DCP1A: variants seen among roughly 807,000 people sequenced by gnomAD.
DCP1A encodes the protein mRNA-decapping enzyme 1A.
Under a neutral mutation model 58.0 loss-of-function variants are expected in DCP1A, and 20 were observed. The observed-to-expected ratio is 0.34, with a 90% CI of 0.24 to 0.50. DCP1A has a LOEUF of 0.50. Among genes scored for constraint, DCP1A ranks in the 20% least tolerant of loss-of-function variants. The probability of loss-of-function intolerance (pLI) is 0.98; values close to 1 mark genes in which losing one functional copy is unlikely to be tolerated. For synonymous variants in DCP1A, 285 were observed against 275.1 expected, an observed-to-expected ratio of 1.04 and a Z score of -0.36; for missense variants, 613 against 712.2, an observed-to-expected ratio of 0.86 and a Z score of 1.59.
At chr3:53,329,528 A>G in intron 3 of DCP1A, 1 of 394,092 alleles carries the variant, frequency 2.5e-6, no homozygotes, top group East Asian at 3.6e-5. Flanking sequence ...TCGGTTAAGC[A>G]AGCTAAAGAG....
intron 5 of DCP1A, among the ~76,000 whole-genome samples, chr3:53,306,370 A>C (rs1707471837): frequency 6.6e-6 from 1 of 152,184 alleles, no homozygotes; most frequent in South Asian, 2.1e-4. Flanking sequence ...TATTACAGAA[A>C]ATATAAAGTT....
At chr3:53,332,827 C>T (rs1310098815) in intron 3 of DCP1A, among the ~76,000 whole-genome samples, 1 of 151,148 alleles carries the variant, frequency 6.6e-6, no homozygotes, top group Non-Finnish European at 1.5e-5. Context: ...CACTGCACTC[C>T]AGCCTGGGTG....
At position 53,288,280 on chromosome 3, in the gene DCP1A, C is replaced by T; in HGVS notation, c.1453G>A (p.Ala485Thr). ...GTTGCAGTAACCAGTGGGGCGCCTG[C>T]AACCTGGAGAGTGACAATGGTCATT... ...PKVLSSAIPVAGAPLVTATTT... is the reference protein window; with the variant it reads ...PKVLSSAIPVTGAPLVTATTT... The change falls in exon 9 of 10, where the codon GCA becomes ACA. Residue 485 changes from alanine to threonine, a missense_variant. By Grantham distance (58) the Ala-to-Thr change is moderately conservative. Coordinates refer to ENST00000610213, the MANE Select transcript of DCP1A (RefSeq NM_018403.7). 6.2e-7 allele frequency: 1 copy of T among 1,605,672 alleles called. No homozygotes were observed. The highest frequency in any genetic ancestry group is 8.5e-7 in the Non-Finnish European group (1 of 1,175,916).
intron 3 of DCP1A, chr3:53,338,290 TG>T (rs1250983752): frequency 4.4e-6 from 1 of 226,010 alleles, no homozygotes; most frequent in African/African-American, 2.3e-5. Context: ...AAAAATACAC[TG>T]TTCCCAAAAG....
At chr3:53,302,820 G>A (rs1304674003) in intron 6 of DCP1A, among the ~76,000 whole-genome samples, 5 of 151,986 alleles carry the variant, frequency 3.3e-5, no homozygotes, top group African/African-American at 9.7e-5. Flanking sequence ...ACGGGGTTTC[G>A]CCATGTTGGC....
chr3:53,298,625 A>G (rs1707208970), intron 6 of DCP1A, among the ~76,000 whole-genome samples: 1 of 152,232 alleles, frequency 6.6e-6, no homozygotes, highest in African/African-American at 2.4e-5. Context: ...TACAGTCTAC[A>G]TTCTTAAGCA....
chr3:53,284,271 CATT>C lies in DCP1A; in HGVS notation c.*3306_*3308del, dbSNP rs1706542719. On this transcript the variant is annotated 3_prime_UTR_variant, in exon 10 of 10. Coordinates refer to ENST00000610213, the MANE Select transcript of DCP1A (RefSeq NM_018403.7). ...GTTAGGCACCTTCAATTTCATGTTG[CATT>C]ATTAGTAATACAATGGCAGTTAGGG... 6.6e-6 allele frequency: 1 copy of C among 152,046 alleles called. No individual in the cohort carries two copies. Among genetic ancestry groups the C allele is most frequent in the African/African-American group, 2.4e-5 (1 of 41,386 alleles). 9.4% of individuals were successfully genotyped at this position (152,046 alleles called of 1,614,324 possible).
intron 4 of DCP1A, among the ~76,000 whole-genome samples, chr3:53,312,910 A>G (rs1305373951): frequency 2.0e-5 from 3 of 152,350 alleles, no homozygotes; most frequent in South Asian, 2.1e-4. Flanking sequence ...GAAGGATAAA[A>G]ATACAGAATT....
chr3:53,334,705 T>C (rs2089079484), intron 3 of DCP1A, among the ~76,000 whole-genome samples: 1 of 152,200 alleles, frequency 6.6e-6, no homozygotes. Context: ...AATCATGTTA[T>C]ACTGTGGAGC....
intron 3 of DCP1A, among the ~76,000 whole-genome samples, chr3:53,321,641 T>C (rs1575610951): frequency 6.6e-6 from 1 of 152,074 alleles, no homozygotes; most frequent in East Asian, 1.9e-4. Context: ...ATTGCTTGAA[T>C]CCAGGAGGTG....
chr3:53,323,933 T>A (rs1553690308), intron 3 of DCP1A, among the ~76,000 whole-genome samples: 1 of 152,038 alleles, frequency 6.6e-6, no homozygotes, highest in Non-Finnish European at 1.5e-5. Context: ...CAATTTTTTC[T>A]GTGCTAAACA....
At chr3:53,307,204 C>T (rs1180737828) in intron 5 of DCP1A, among the ~76,000 whole-genome samples, 2 of 152,108 alleles carry the variant, frequency 1.3e-5, no homozygotes, top group East Asian at 3.9e-4. Context: ...CCGCTTCAGC[C>T]TTCCAAAGTG....
intron 6 of DCP1A, among the ~76,000 whole-genome samples, chr3:53,297,829 C>G (rs554190739): frequency 1.6e-4 from 24 of 152,290 alleles, no homozygotes; most frequent in Non-Finnish European, 3.1e-4. Flanking sequence ...AATGGCAGGA[C>G]ATGGAGAAAC....
At chr3:53,327,653 TG>T (rs1708147964) in intron 3 of DCP1A, among the ~76,000 whole-genome samples, 2 of 150,986 alleles carry the variant, frequency 1.3e-5, no homozygotes, top group South Asian at 4.2e-4. Flanking sequence ...TAGCCAGGCA[TG>T]GTGGCATGTG....
intron 6 of DCP1A, among the ~76,000 whole-genome samples, chr3:53,294,061 C>T (rs1707027256): frequency 6.6e-6 from 1 of 152,170 alleles, no homozygotes; most frequent in African/African-American, 2.4e-5. Context: ...ACACGTGCTT[C>T]AGCACAGCTG....
chr3:53,335,289 C>T (rs929356294), intron 3 of DCP1A, among the ~76,000 whole-genome samples: 6 of 152,044 alleles, frequency 3.9e-5, no homozygotes, highest in East Asian at 3.9e-4. Flanking sequence ...TACAGGTGCC[C>T]GCCACCAGGC....
chr3:53,288,749 T>C (rs1706741552), intron 8 of DCP1A, among the ~76,000 whole-genome samples: 1 of 152,102 alleles, frequency 6.6e-6, no homozygotes, highest in African/African-American at 2.4e-5. Context: ...AAAATCTGCA[T>C]GTTTTGGCTG....
intron 4 of DCP1A, among the ~76,000 whole-genome samples, chr3:53,314,879 C>T (rs1337906578): frequency 1.3e-5 from 2 of 151,870 alleles, no homozygotes; most frequent in African/African-American, 4.8e-5. Flanking sequence ...ACCATGTTGA[C>T]TAGGCTGGTC....
chr3:53,323,087 G>A (rs546550105), intron 3 of DCP1A, among the ~76,000 whole-genome samples: 66 of 152,114 alleles, frequency 4.3e-4, no homozygotes, highest in Non-Finnish European at 1.3e-4. Context: ...GCCTCCCAAA[G>A]TGCTGGGATT....
Sources: allele counts gnomAD v4.1 joint callset (sites outside exome capture counted in the v4.1 genomes callset), GRCh38; gene constraint gnomAD v4.1.1; transcripts MANE v1.5; gene names NCBI Gene and HGNC (gene_info 2026-07-23, HGNC 2026-07-21).